Variants in TRERF1 observed in about 807,000 individuals in gnomAD.
TRERF1 encodes transcriptional regulating factor 1, also known as transcriptional-regulating factor 1.
A neutral mutation model predicts 122.9 loss-of-function variants in TRERF1; 27 were observed. The ratio of observed to expected loss-of-function variants is 0.22; its 90% CI spans 0.16 to 0.30. The LOEUF (loss-of-function observed/expected upper bound fraction) is 0.30. Among genes scored for constraint, TRERF1 ranks in the 10% least tolerant of loss-of-function variants. The probability of loss-of-function intolerance (pLI) is 1.00; values close to 1 mark genes in which losing one functional copy is unlikely to be tolerated. For synonymous variants in TRERF1, 636 were observed against 641.7 expected, an observed-to-expected ratio of 0.99 and a Z score of 0.13; for missense variants, 1,248 against 1,560.3, an observed-to-expected ratio of 0.80 and a Z score of 3.37.
intron 2 of TRERF1, among the ~76,000 whole-genome samples, chr6:42,420,291 C>A (rs1307812123): frequency 2.6e-5 from 4 of 152,154 alleles, no homozygotes; most frequent in African/African-American, 9.7e-5. Context: ...AGAAAAGAGG[C>A]CCCCTAAACT....
At chr6:42,262,103 C>T (rs761237917) in intron 8 of TRERF1, among the ~76,000 whole-genome samples, 1 of 152,100 alleles carries the variant, frequency 6.6e-6, no homozygotes, top group African/African-American at 2.4e-5. Context: ...ACGAACTTCC[C>T]TGGGCAAAGA....
intron 2 of TRERF1, among the ~76,000 whole-genome samples, chr6:42,446,777 C>T (rs572179205): frequency 3.3e-5 from 5 of 152,150 alleles, no homozygotes; most frequent in East Asian, 1.9e-4. Context: ...CCAAGGTGGG[C>T]GGATCACTTG....
At chr6:42,361,154 G>C (rs1161727016) in intron 3 of TRERF1, among the ~76,000 whole-genome samples, 1 of 152,172 alleles carries the variant, frequency 6.6e-6, no homozygotes, top group Non-Finnish European at 1.5e-5. Context: ...TTATTCAGGA[G>C]GTCTGAGAGA....
At chr6:42,410,408 C>T (rs1780938887) in intron 2 of TRERF1, among the ~76,000 whole-genome samples, 1 of 152,112 alleles carries the variant, frequency 6.6e-6, no homozygotes, top group African/African-American at 2.4e-5. Context: ...GTCAGGTTCC[C>T]AAAGGGCTGG....
At chr6:42,258,617 C>G (rs1777196335) in intron 9 of TRERF1, among the ~76,000 whole-genome samples, 1 of 152,258 alleles carries the variant, frequency 6.6e-6, no homozygotes, top group Non-Finnish European at 1.5e-5. Flanking sequence ...CTCCTTCGCC[C>G]AGGCGGGAGT....
At chr6:42,326,464 A>G (rs1764314927) in intron 3 of TRERF1, among the ~76,000 whole-genome samples, 1 of 152,256 alleles carries the variant, frequency 6.6e-6, no homozygotes, top group Non-Finnish European at 1.5e-5. Flanking sequence ...GCAACAAATT[A>G]GACACAGGAA....
At chr6:42,330,144 G>C (rs1004562444) in intron 3 of TRERF1, among the ~76,000 whole-genome samples, 2 of 151,914 alleles carry the variant, frequency 1.3e-5, no homozygotes, top group Non-Finnish European at 2.9e-5. Context: ...AACCACACGA[G>C]CAAAAAAATG....
intron 2 of TRERF1, among the ~76,000 whole-genome samples, chr6:42,445,460 C>T (rs927223265): frequency 6.6e-6 from 1 of 151,888 alleles, no homozygotes. Flanking sequence ...GTCCACTCTC[C>T]TGCATTTAAA....
intron 2 of TRERF1, among the ~76,000 whole-genome samples, chr6:42,445,840 C>G (rs142037143): frequency 6.6e-6 from 1 of 152,338 alleles, no homozygotes; most frequent in East Asian, 1.9e-4. Context: ...GCTCTCTTCT[C>G]CACCAATGCA....
rs918272914 is a variant in TRERF1 at position 42,362,983 on chromosome 6, T to G, written c.-371+14A>C. 1 of 153,662 alleles carries G rather than the reference T, an allele frequency of 6.5e-6. No individual in the cohort carries two copies. The highest frequency in any genetic ancestry group is 1.5e-5 in the Non-Finnish European group (1 of 68,036). The allele number at this position is 153,662 out of a possible 1,614,324, so 9.5% of individuals were successfully genotyped here. On this transcript the variant is annotated intron_variant, in intron 3 of 17. Transcript: ENST00000372922. ...TGTAAAATATTCCAACACCAAGAAC[T>G]CCCGAGAAGCGACCTGTTTGAGGAT...
At chr6:42,271,110 G>A (rs977556852) in intron 4 of TRERF1, among the ~76,000 whole-genome samples, 2 of 150,856 alleles carry the variant, frequency 1.3e-5, no homozygotes, top group Admixed American at 1.3e-4. Context: ...ACTTGAACCC[G>A]GGAGGCAGAG....
chr6:42,432,893 C>T (rs1562201737), intron 2 of TRERF1, among the ~76,000 whole-genome samples: 1 of 146,860 alleles, frequency 6.8e-6, no homozygotes, highest in African/African-American at 2.5e-5. Flanking sequence ...TGTTTAAAGA[C>T]ATGGAAAATA....
intron 4 of TRERF1, among the ~76,000 whole-genome samples, chr6:42,278,029 C>G (rs116195794): frequency 1.7e-3 from 263 of 152,092 alleles, no homozygotes; most frequent in African/African-American, 6.1e-3. Context: ...TCCATGTGAC[C>G]CTGGGCAAGT....
chr6:42,380,199 G>A (rs909542120), intron 2 of TRERF1, among the ~76,000 whole-genome samples: 43 of 151,722 alleles, frequency 2.8e-4, no homozygotes, highest in African/African-American at 1.0e-3. Flanking sequence ...GTGAGGAGGA[G>A]GGGACAGGTT....
intron 3 of TRERF1, among the ~76,000 whole-genome samples, chr6:42,319,812 CAAAAAA>C (rs35939756): frequency 1.8e-5 from 2 of 114,260 alleles, no homozygotes; most frequent in Non-Finnish European, 3.7e-5. Flanking sequence ...GACTGTGTTT[CAAAAAA>C]AAAAAAAAAA....
At chr6:42,320,586 A>ACCT (rs144665479) in intron 3 of TRERF1, among the ~76,000 whole-genome samples, 2 of 141,944 alleles carry the variant, frequency 1.4e-5, no homozygotes, top group East Asian at 4.2e-4. Flanking sequence ...GCTCACTGCT[A>ACCT]CCTCCTCCTC....
At chr6:42,385,672 T>C (rs912708370) in intron 2 of TRERF1, among the ~76,000 whole-genome samples, 3 of 152,160 alleles carry the variant, frequency 2.0e-5, no homozygotes, top group Admixed American at 6.5e-5. Flanking sequence ...TTTAATGGCA[T>C]ATTACTCAAA....
At chr6:42,280,318 T>C (rs1782079949) in intron 4 of TRERF1, among the ~76,000 whole-genome samples, 2 of 152,140 alleles carry the variant, frequency 1.3e-5, no homozygotes, top group Non-Finnish European at 2.9e-5. Flanking sequence ...AGTCGCTCCC[T>C]CCTCCAGGCC....
At chr6:42,280,260 G>A (rs527721125) in intron 4 of TRERF1, among the ~76,000 whole-genome samples, 1 of 152,308 alleles carries the variant, frequency 6.6e-6, no homozygotes, top group East Asian at 1.9e-4. Flanking sequence ...ACAAACCCGA[G>A]GGGACCTCTG....
Sources: allele counts gnomAD v4.1 joint callset (sites outside exome capture counted in the v4.1 genomes callset), GRCh38; gene constraint gnomAD v4.1.1; transcripts MANE v1.5; gene names NCBI Gene and HGNC (gene_info 2026-07-23, HGNC 2026-07-21).